MEGF11: variants seen among roughly 807,000 people sequenced by gnomAD.
MEGF11 encodes multiple epidermal growth factor-like domains protein 11.
In MEGF11, 126 loss-of-function variants were observed where a neutral mutation model predicts 146.6. The observed-to-expected ratio is 0.86, with a 90% CI of 0.74 to 1.00. The LOEUF (loss-of-function observed/expected upper bound fraction) is 1.00. Among genes scored for constraint, MEGF11 ranks in the 50% least tolerant of loss-of-function variants. The pLI is 0.00. For synonymous variants in MEGF11, 532 were observed against 583.4 expected (o/e 0.91, Z 1.27); for missense variants, 1,509 against 1,521.2 (o/e 0.99, Z 0.13).
chr15:66,042,739 C>G (rs977418834), intron 5 of MEGF11, among the ~76,000 whole-genome samples: 2 of 152,174 alleles, frequency 1.3e-5, no homozygotes, highest in African/African-American at 4.8e-5. Context: ...CCTTGCTGGC[C>G]GCTGCATAAC....
chr15:65,962,872 C>T (rs566283153), intron 9 of MEGF11, among the ~76,000 whole-genome samples: 1 of 152,272 alleles, frequency 6.6e-6, no homozygotes, highest in South Asian at 2.1e-4. Context: ...AGAACTGCTA[C>T]TCCCTCCCAG....
At chr15:65,913,493 C>T (rs2078882539) in intron 20 of MEGF11, 2 of 588,076 alleles carry the variant, frequency 3.4e-6, no homozygotes, top group Middle Eastern at 9.0e-4. Context: ...GATAGGGAAG[C>T]TCTGGGAAAA....
chr15:66,027,404 A>C (rs2140215669), intron 5 of MEGF11, among the ~76,000 whole-genome samples: 1 of 152,294 alleles, frequency 6.6e-6, no homozygotes, highest in Non-Finnish European at 1.5e-5. Flanking sequence ...ACCATCCCTC[A>C]CAGACAGGGG....
intron 7 of MEGF11, among the ~76,000 whole-genome samples, chr15:65,979,471 C>T (rs1322830065): frequency 6.6e-6 from 1 of 152,232 alleles, no homozygotes; most frequent in African/African-American, 2.4e-5. Flanking sequence ...TTCTGCTCAG[C>T]AGCCCTTTCC....
chr15:66,145,513 G>A (rs1056339230), intron 1 of MEGF11, among the ~76,000 whole-genome samples: 1 of 152,180 alleles, frequency 6.6e-6, no homozygotes, highest in Non-Finnish European at 1.5e-5. Context: ...CTTACTACAG[G>A]GAGAGAGAGG....
At chr15:66,171,060 C>A (rs2090240034) in intron 1 of MEGF11, among the ~76,000 whole-genome samples, 1 of 152,206 alleles carries the variant, frequency 6.6e-6, no homozygotes, top group Non-Finnish European at 1.5e-5. Context: ...AAAAGCACCC[C>A]AGGAAGTCAC....
intron 1 of MEGF11, among the ~76,000 whole-genome samples, chr15:66,222,386 C>T (rs905524416): frequency 1.3e-5 from 2 of 152,166 alleles, no homozygotes. Flanking sequence ...TACTCTCCCC[C>T]AATCTTCCTT....
chr15:65,922,702 A>T, intron 14 of MEGF11, 121 bp downstream of exon 14: 1 of 1,331,268 alleles, frequency 7.5e-7, no homozygotes, highest in Non-Finnish European at 1.0e-6. Flanking sequence ...GACTAGAGGG[A>T]AGGAAGAGAT....
chr15:66,085,063 C>T (rs2086048749), intron 5 of MEGF11, among the ~76,000 whole-genome samples: 1 of 152,112 alleles, frequency 6.6e-6, no homozygotes, highest in Admixed American at 6.5e-5. Context: ...CTTTCCCCCA[C>T]TTCCCTGACA....
chr15:65,982,378 C>T lies in MEGF11; in HGVS notation c.505G>A (p.Gly169Arg). 1.3e-6 allele frequency: 2 copies of T among 1,533,718 alleles called. No individual in the cohort carries two copies. Among genetic ancestry groups the T allele is most frequent in the Non-Finnish European group, 1.8e-6 (2 of 1,142,266 alleles). ...GCGCAGAGCTCCTCGCAGCGCCATC[C>T]ACGGAAGCCGGCGGCGCACACGCAG... ...GACVCAAGFR[G>R]WRCEELCAPG... Residue 169 changes from glycine to arginine, a missense_variant, in exon 6 of 26, where the codon GGA (glycine) becomes AGA (arginine). Coordinates refer to ENST00000395614, the MANE Select transcript of MEGF11 (RefSeq NM_001385028.1). The surrounding 1 kb of genome is among the most constrained non-coding windows in gnomAD (Gnocchi z 5.6).
At chr15:65,989,763 T>C (rs1238725209) in intron 5 of MEGF11, among the ~76,000 whole-genome samples, 1 of 152,164 alleles carries the variant, frequency 6.6e-6, no homozygotes, top group Non-Finnish European at 1.5e-5. Flanking sequence ...TGGGCCTCTG[T>C]TTTTACATCT....
At chr15:65,964,514 G>C (rs548544099) in intron 9 of MEGF11, among the ~76,000 whole-genome samples, 1 of 152,212 alleles carries the variant, frequency 6.6e-6, no homozygotes, top group Non-Finnish European at 1.5e-5. Context: ...CAAGTGGAGG[G>C]AAATATTCTC....
chr15:66,094,779 C>T (rs372941776), intron 4 of MEGF11, among the ~76,000 whole-genome samples: 1 of 152,292 alleles, frequency 6.6e-6, no homozygotes, highest in African/African-American at 2.4e-5. Context: ...TTTCCTGCAA[C>T]GTTTAACAAC....
intron 1 of MEGF11, among the ~76,000 whole-genome samples, chr15:66,203,613 G>C (rs1244128917): frequency 6.6e-6 from 1 of 152,198 alleles, no homozygotes. Context: ...CTGAGTCAGA[G>C]AGTCCCAGCT....
intron 1 of MEGF11, among the ~76,000 whole-genome samples, chr15:66,243,980 C>T (rs376894885): frequency 4.6e-5 from 7 of 152,296 alleles, no homozygotes; most frequent in African/African-American, 1.4e-4. Flanking sequence ...TGTTGTCACT[C>T]AGGGTTACTA....
At chr15:66,123,797 G>T in intron 3 of MEGF11, 102 bp downstream of exon 3, 1 of 900,860 alleles carries the variant, frequency 1.1e-6, no homozygotes, top group Non-Finnish European at 1.8e-6. Flanking sequence ...GTGGAGGCGC[G>T]TGACAACATC....
chr15:65,995,929 C>T (rs2082182522), intron 5 of MEGF11, among the ~76,000 whole-genome samples: 1 of 152,156 alleles, frequency 6.6e-6, no homozygotes. Flanking sequence ...TCTTACTGTA[C>T]CCTTCCATCA....
chr15:66,234,259 C>T (rs1201328785), intron 1 of MEGF11, among the ~76,000 whole-genome samples: 1 of 152,180 alleles, frequency 6.6e-6, no homozygotes, highest in African/African-American at 2.4e-5. Context: ...CACCATGAGG[C>T]GCTATTGCGA....
At chr15:65,974,602 C>T (rs1324884024) in intron 7 of MEGF11, among the ~76,000 whole-genome samples, 1 of 152,130 alleles carries the variant, frequency 6.6e-6, no homozygotes, top group Non-Finnish European at 1.5e-5. Flanking sequence ...TTGCAGTGAG[C>T]CAAGATTGTG....
Sources: allele counts gnomAD v4.1 joint callset (sites outside exome capture counted in the v4.1 genomes callset), GRCh38; gene constraint gnomAD v4.1.1; non-coding constraint Gnocchi (gnomAD v3.1); transcripts MANE v1.5; gene names NCBI Gene and HGNC (gene_info 2026-07-23, HGNC 2026-07-21).